The following CUL3 variants were observed in gnomAD, a reference collection of about 807,000 sequenced individuals.
CUL3 encodes cullin-3.
A neutral mutation model predicts 89.1 loss-of-function variants in CUL3; 19 were observed. The ratio of observed to expected loss-of-function variants is 0.21; its 90% CI spans 0.15 to 0.31. The LOEUF is 0.31. Among genes scored for constraint, CUL3 ranks in the 10% least tolerant of loss-of-function variants. The pLI, the probability that CUL3 is intolerant of heterozygous loss-of-function variation, is 1.00. For synonymous variants in CUL3, 351 were observed against 308.4 expected (o/e 1.14, Z -1.45); for missense variants, 469 against 942.3 (o/e 0.50, Z 6.58).
chr2:224,557,135 A>G (rs1376350611), intron 2 of CUL3, among the ~76,000 whole-genome samples: 1 of 152,054 alleles, frequency 6.6e-6, no homozygotes, highest in East Asian at 1.9e-4. Flanking sequence ...CATTTGTTCT[A>G]AAAAAATACA....
At chr2:224,496,744 T>C (rs1197400496) in intron 12 of CUL3, among the ~76,000 whole-genome samples, 1 of 152,154 alleles carries the variant, frequency 6.6e-6, no homozygotes, top group Admixed American at 6.5e-5. Context: ...TCAAAGCCTA[T>C]TCCTGCTTTA....
chr2:224,572,681 A>C (rs896840317), intron 1 of CUL3, among the ~76,000 whole-genome samples: 1 of 151,304 alleles, frequency 6.6e-6, no homozygotes, highest in Non-Finnish European at 1.5e-5. Context: ...TGATTAACTC[A>C]TAAGGGTAGA....
chr2:224,553,856 T>A (rs1459669995), intron 2 of CUL3, among the ~76,000 whole-genome samples: 1 of 152,184 alleles, frequency 6.6e-6, no homozygotes, highest in Non-Finnish European at 1.5e-5. Context: ...GCCACCTGGT[T>A]TATGGGATTT....
chr2:224,538,834 C>T (rs1214468287), intron 2 of CUL3, among the ~76,000 whole-genome samples: 1 of 152,166 alleles, frequency 6.6e-6, no homozygotes, highest in African/African-American at 2.4e-5. Context: ...CAGTGGATCA[C>T]AAATCAGGCA....
chr2:224,580,270 T>C (rs1695401766), intron 1 of CUL3, among the ~76,000 whole-genome samples: 1 of 152,222 alleles, frequency 6.6e-6, no homozygotes, highest in South Asian at 2.1e-4. Context: ...TACAGAAACG[T>C]CCTTATTGTC....
At chr2:224,515,067 A>T (rs898066435) in intron 3 of CUL3, among the ~76,000 whole-genome samples, 1 of 152,228 alleles carries the variant, frequency 6.6e-6, no homozygotes, top group Admixed American at 6.5e-5. Context: ...GTAAATAGTA[A>T]GGTAGCACAC....
chr2:224,500,629 T>TTC, intron 10 of CUL3, 142 bp from the exon 11 acceptor site: 1 of 253,902 alleles, frequency 3.9e-6, no homozygotes, highest in Non-Finnish European at 5.9e-6. Flanking sequence ...TTTCTTTTCT[T>TTC]TTTTTTTTTT....
At chr2:224,551,667 T>G (rs886607750) in intron 2 of CUL3, among the ~76,000 whole-genome samples, 2 of 152,186 alleles carry the variant, frequency 1.3e-5, no homozygotes, top group African/African-American at 4.8e-5. Flanking sequence ...AAGTAAAGTT[T>G]TACTGGAATA....
intron 3 of CUL3, among the ~76,000 whole-genome samples, chr2:224,530,407 T>G (rs1385625012): frequency 6.6e-6 from 1 of 151,910 alleles, no homozygotes; most frequent in Non-Finnish European, 1.5e-5. Context: ...GTTGGTAATA[T>G]AACCTAAGAG....
intron 10 of CUL3, among the ~76,000 whole-genome samples, chr2:224,502,329 T>A (rs1177629376): frequency 6.6e-6 from 1 of 152,204 alleles, no homozygotes; most frequent in Non-Finnish European, 1.5e-5. Context: ...AAGGTTAAGT[T>A]GAAAATCAGA....
intron 13 of CUL3, chr2:224,494,974 C>CAT (rs986987814): frequency 6.6e-6 from 1 of 151,900 alleles, no homozygotes; most frequent in Non-Finnish European, 1.5e-5. Context: ...AAAAAATACT[C>CAT]AGAGCACATA....
chr2:224,534,108 T>A (rs1358741241), intron 3 of CUL3, among the ~76,000 whole-genome samples: 22 of 152,228 alleles, frequency 1.4e-4, no homozygotes. Flanking sequence ...AACACTGATG[T>A]AAAACAAGTC....
Position 224,535,953 on chromosome 2 carries a change from G to GT in CUL3, c.265-313dup, listed in dbSNP as rs112246185. On this transcript the variant is annotated intron_variant, in intron 2 of 15. Transcript: ENST00000264414. ...TTCTTATAGTAAGTTACAAGGGCCT[G>GT]TAAGACTGGCTTCATGCTACTGCTG... Among the ~76,000 whole-genome samples the GT allele has an allele frequency of 2.1e-3, 321 of 152,258 alleles. 3 individuals carry two copies. Among genetic ancestry groups the GT allele is most frequent in the African/African-American group, 7.1e-3 (296 of 41,542 alleles).
chr2:224,502,552 A>G (rs890807805), intron 10 of CUL3, among the ~76,000 whole-genome samples: 7 of 152,306 alleles, frequency 4.6e-5, no homozygotes, highest in East Asian at 3.9e-4. Context: ...GAGGAGAATA[A>G]TAGTAGTGAG....
intron 2 of CUL3, among the ~76,000 whole-genome samples, chr2:224,549,756 G>A (rs1364385416): frequency 6.6e-6 from 1 of 152,012 alleles, no homozygotes; most frequent in African/African-American, 2.4e-5. Flanking sequence ...AATGAAAGAA[G>A]ATGGCTCCAC....
intron 2 of CUL3, among the ~76,000 whole-genome samples, chr2:224,540,863 G>A (rs1045852692): frequency 9.9e-5 from 15 of 152,010 alleles, no homozygotes; most frequent in Admixed American, 6.6e-4. Context: ...CTGTGTCCAC[G>A]TGTTCTCAAT....
At position 224,471,155 on chromosome 2, in the gene CUL3, TACAGA is replaced by T; in HGVS notation, c.*3085_*3089del. 2 of 215,050 alleles carry T rather than the reference TACAGA, an allele frequency of 9.3e-6. No homozygotes were observed. Among genetic ancestry groups the T allele is most frequent in the Admixed American group, 1.2e-4 (2 of 17,194 alleles). 13.3% of individuals were successfully genotyped at this position (215,050 alleles called of 1,614,324 possible). A position where few individuals can be genotyped will look rare whatever the true frequency, so the allele number is the denominator to read the frequency against. On this transcript the variant is annotated 3_prime_UTR_variant, in exon 16 of 16. Transcript: ENST00000264414. ...CCTGAAATGTTTTAACATTCGTATT[TACAGA>T]ATGCAAAATACTATGCAACATATAG...
At chr2:224,523,188 C>G (rs1025144497) in intron 3 of CUL3, among the ~76,000 whole-genome samples, 15 of 152,122 alleles carry the variant, frequency 9.9e-5, no homozygotes, top group African/African-American at 3.6e-4. Flanking sequence ...CTGTTTCAGT[C>G]TTGTCTGCCA....
intron 13 of CUL3, among the ~76,000 whole-genome samples, chr2:224,488,824 G>A (rs11898392): frequency 0.049 from 7,435 of 152,198 alleles, 240 homozygotes; most frequent in African/African-American, 0.077. Context: ...GAAAATTTCA[G>A]GCCAGTATCC....
Sources: allele counts gnomAD v4.1 joint callset (sites outside exome capture counted in the v4.1 genomes callset), GRCh38; gene constraint gnomAD v4.1.1; transcripts MANE v1.5; gene names NCBI Gene and HGNC (gene_info 2026-07-23, HGNC 2026-07-21).